Variants in TIAM1 observed in about 807,000 individuals in gnomAD.
TIAM1 encodes the protein rho guanine nucleotide exchange factor TIAM1.
A neutral mutation model predicts 163.5 loss-of-function variants in TIAM1; 65 were observed. That is an observed-to-expected ratio of 0.40 (90% confidence interval 0.33 to 0.49). The LOEUF (loss-of-function observed/expected upper bound fraction) is 0.49, where lower values mean the gene tolerates loss of function less well. Among genes scored for constraint, TIAM1 ranks in the 20% least tolerant of loss-of-function variants. The pLI is 0.77. For synonymous variants in TIAM1, 833 were observed against 810.1 expected (o/e 1.03, Z -0.48); for missense variants, 1,789 against 2,044.7 (o/e 0.87, Z 2.41).
chr21:31,185,596 T>A (rs538990666), intron 14 of TIAM1, among the ~76,000 whole-genome samples: 427 of 144,050 alleles, frequency 3.0e-3, no homozygotes, highest in African/African-American at 0.01. Context: ...ATATTATATA[T>A]CATATAGCTA....
At chr21:31,366,611 G>A (rs930726308) in intron 2 of TIAM1, among the ~76,000 whole-genome samples, 3 of 152,142 alleles carry the variant, frequency 2.0e-5, no homozygotes, top group Non-Finnish European at 2.9e-5. Flanking sequence ...ATTAAAAAGA[G>A]GATGCTCAGG....
At chr21:31,552,520 T>G (rs1437361152) in intron 1 of TIAM1, among the ~76,000 whole-genome samples, 1 of 152,040 alleles carries the variant, frequency 6.6e-6, no homozygotes, top group Non-Finnish European at 1.5e-5. Flanking sequence ...ACACCTGTAA[T>G]CCCAGCACTT....
intron 2 of TIAM1, among the ~76,000 whole-genome samples, chr21:31,288,690 C>T (rs1237440964): frequency 6.6e-6 from 1 of 152,114 alleles, no homozygotes; most frequent in Non-Finnish European, 1.5e-5. Flanking sequence ...ATGGCCAATT[C>T]CAATGCAGAT....
At chr21:31,516,419 T>C (rs1048201644) in intron 1 of TIAM1, among the ~76,000 whole-genome samples, 5 of 151,818 alleles carry the variant, frequency 3.3e-5, no homozygotes, top group African/African-American at 9.7e-5. Context: ...CTCAAAACAA[T>C]AAATAAAATT....
intron 1 of TIAM1, among the ~76,000 whole-genome samples, chr21:31,523,444 GGA>G (rs1357883603): frequency 1.3e-5 from 2 of 152,162 alleles, no homozygotes; most frequent in Non-Finnish European, 2.9e-5. Context: ...AAAGATGTCT[GGA>G]TTTTGAAAGT....
chr21:31,266,062 G>T lies in TIAM1; in HGVS notation c.911C>A (p.Pro304Gln). Residue 304 changes from proline to glutamine, a missense_variant, in exon 4 of 28, where the codon CCA (proline) becomes CAA (glutamine). Pro to Gln is a moderately conservative substitution (Grantham distance 76). Coordinates refer to ENST00000541036, the MANE Select transcript of TIAM1 (RefSeq NM_001353694.2). ...SHCLSEGATN[P>Q]QISHSNSMQG... ...CATGCTGTTGCTATGGCTAATTTGT[G>T]GGTTGGTGGCACCTTCAGAGAGACA... The T allele has an allele frequency of 6.2e-7, 1 of 1,614,158 alleles. No homozygotes were observed. Among genetic ancestry groups the T allele is most frequent in the Non-Finnish European group, 8.5e-7 (1 of 1,180,016 alleles).
chr21:31,243,954 A>G (rs2071358237), intron 6 of TIAM1, among the ~76,000 whole-genome samples: 2 of 152,258 alleles, frequency 1.3e-5, no homozygotes, highest in Non-Finnish European at 2.9e-5. Context: ...GATAAAAGAC[A>G]TACTCAATTC....
intron 19 of TIAM1, among the ~76,000 whole-genome samples, chr21:31,152,282 C>T (rs1052569640): frequency 3.9e-5 from 6 of 152,192 alleles, no homozygotes; most frequent in African/African-American, 1.2e-4. Flanking sequence ...ATCTGCCCGC[C>T]TTGGCCTCCC....
chr21:31,205,054 G>A lies in TIAM1; in HGVS notation c.2389-2042C>T, dbSNP rs115964060. ...TGTCAAAGATAATAAGGCTGGAGGC[G>A]AAAGCCCAGGGAACATAAAACAGGA... On this transcript the variant is annotated intron_variant, in intron 11 of 27. Coordinates refer to ENST00000541036, the MANE Select transcript of TIAM1 (RefSeq NM_001353694.2). Among the ~76,000 whole-genome samples the A allele has an allele frequency of 9.2e-3, 1,395 of 152,286 alleles. 33 individuals carry two copies. The highest frequency in any genetic ancestry group is 0.032 in the African/African-American group (1,314 of 41,552).
intron 2 of TIAM1, among the ~76,000 whole-genome samples, chr21:31,455,946 G>A (rs1166893575): frequency 6.6e-6 from 1 of 152,188 alleles, no homozygotes; most frequent in Non-Finnish European, 1.5e-5. Flanking sequence ...CCAGGAACAA[G>A]GGGAGAAATC....
chr21:31,141,499 T>C lies in TIAM1; in HGVS notation c.3481A>G (p.Thr1161Ala). ...AAGAATGCCTTGAAAGCCGTGTCTG[T>C]CTTGGCTGGCAGGGTTTAAACACAG... ...KVPKVLVKAK[T>A]DTAFKAFLDA... The change falls in exon 21 of 28, where the codon ACA (threonine) becomes GCA (alanine). Residue 1161 changes from threonine (T) to alanine (A), a missense_variant. Transcript: ENST00000541036. This position sits in a 1 kb window ranked among gnomAD's most constrained non-coding sequence, Gnocchi z 4.7. 6.2e-7 allele frequency: 1 copy of C among 1,613,866 alleles called. No homozygotes were observed. Among genetic ancestry groups the C allele is most frequent in the Non-Finnish European group, 8.5e-7 (1 of 1,179,902 alleles).
At chr21:31,270,063 C>A (rs2146832658) in intron 3 of TIAM1, among the ~76,000 whole-genome samples, 1 of 152,274 alleles carries the variant, frequency 6.6e-6, no homozygotes, top group African/African-American at 2.4e-5. Context: ...CTTACTTAAC[C>A]CTTTTTATTT....
chr21:31,204,825 CAT>C (rs1436449371), intron 11 of TIAM1, among the ~76,000 whole-genome samples: 2 of 152,238 alleles, frequency 1.3e-5, no homozygotes, highest in Admixed American at 1.3e-4. Context: ...ACTCTGAACA[CAT>C]AGCAGAAGGA....
intron 1 of TIAM1, among the ~76,000 whole-genome samples, chr21:31,474,733 C>T (rs775196645): frequency 6.6e-6 from 1 of 151,692 alleles, no homozygotes; most frequent in Non-Finnish European, 1.5e-5. Flanking sequence ...TTAGTAGAGA[C>T]GGGGTTTCCT....
At chr21:31,227,031 A>T (rs569755442) in intron 6 of TIAM1, among the ~76,000 whole-genome samples, 1 of 140,396 alleles carries the variant, frequency 7.1e-6, no homozygotes, top group South Asian at 2.2e-4. Flanking sequence ...ATCTTGGCTC[A>T]CTGCAGCCTC....
chr21:31,545,609 A>G (rs979222717), intron 1 of TIAM1, among the ~76,000 whole-genome samples: 1 of 152,156 alleles, frequency 6.6e-6, no homozygotes, highest in Non-Finnish European at 1.5e-5. Context: ...AGAAAGGGGA[A>G]AAAAGGGGAG....
chr21:31,198,692 A>G (rs2086013907), intron 12 of TIAM1, among the ~76,000 whole-genome samples: 1 of 152,188 alleles, frequency 6.6e-6, no homozygotes, highest in South Asian at 2.1e-4. Context: ...GGCAGTATAT[A>G]ACTGTTTGTT....
intron 15 of TIAM1, among the ~76,000 whole-genome samples, chr21:31,169,462 C>T (rs181295886): frequency 2.0e-5 from 3 of 152,084 alleles, no homozygotes; most frequent in East Asian, 3.9e-4. Context: ...AACATCTATC[C>T]GAAGACACTG....
intron 2 of TIAM1, among the ~76,000 whole-genome samples, chr21:31,315,211 A>G (rs998282848): frequency 6.6e-6 from 1 of 152,086 alleles, no homozygotes; most frequent in African/African-American, 2.4e-5. Context: ...TCTCTACTAA[A>G]TACAAAAAAG....
Sources: gnomAD v4.1 joint callset for allele counts (sites outside exome capture counted in the v4.1 genomes callset) on GRCh38, gnomAD v4.1.1 for gene constraint, Gnocchi (gnomAD v3.1) non-coding constraint, MANE v1.5 for transcripts, NCBI Gene and HGNC (gene_info 2026-07-23, HGNC 2026-07-21) for gene names.